RPS6KA3: variants seen among roughly 807,000 people sequenced by gnomAD.
RPS6KA3 encodes ribosomal protein S6 kinase alpha-3.
A neutral mutation model predicts 67.2 loss-of-function variants in RPS6KA3; 4 were observed. The observed-to-expected ratio is 0.06, with a 90% CI of 0.03 to 0.14. The LOEUF is 0.14. RPS6KA3 is among the 10% of genes least tolerant of loss of function. The pLI, the probability that RPS6KA3 is intolerant of heterozygous loss-of-function variation, is 1.00. For missense variants in RPS6KA3, 204 were observed against 559.0 expected (o/e 0.36, Z 6.40); for synonymous variants, 182 against 183.7 (o/e 0.99, Z 0.07).
At chrX:20,168,399 T>G (rs1166804443) in intron 16 of RPS6KA3, among the ~76,000 whole-genome samples, 1 of 111,382 alleles carries the variant, frequency 9.0e-6, no homozygotes, top group Non-Finnish European at 1.9e-5. Context: ...CATAACAGCA[T>G]GGAAAATGAG....
chrX:20,240,264 T>TA (rs2069516240), intron 1 of RPS6KA3, among the ~76,000 whole-genome samples: 1 of 102,686 alleles, frequency 9.7e-6, no homozygotes, highest in Non-Finnish European at 2.0e-5. Context: ...ACCCAGGCTG[T>TA]AGGAATGAAC....
intron 19 of RPS6KA3, among the ~76,000 whole-genome samples, chrX:20,162,477 T>C (rs951585411): frequency 1.8e-5 from 2 of 109,936 alleles, no homozygotes; most frequent in African/African-American, 6.6e-5. Context: ...TGTGGAATTG[T>C]TACAGAATTG....
At position 20,153,587 on chromosome X, in the gene RPS6KA3, T is replaced by C. The variant is rs2067137095; in HGVS notation, c.*1811A>G. The C allele has an allele frequency of 9.0e-6, 1 of 110,780 alleles. No individual in the cohort carries two copies. Among genetic ancestry groups the C allele is most frequent in the Non-Finnish European group, 1.9e-5 (1 of 52,852 alleles). The allele number at this position is 110,780 out of a possible 1,213,427, so 9.1% of individuals were successfully genotyped here. On this transcript the variant is annotated 3_prime_UTR_variant, in exon 22 of 22. Coordinates refer to ENST00000379565, the MANE Select transcript of RPS6KA3 (RefSeq NM_004586.3). ...CTGATATAAATGGCTTATTACATGA[T>C]GACTAACAAAAATCTGTATGAGTAC...
At chrX:20,183,576 T>C (rs1350320193) in intron 10 of RPS6KA3, among the ~76,000 whole-genome samples, 4 of 112,033 alleles carry the variant, frequency 3.6e-5, no homozygotes, top group Non-Finnish European at 3.8e-5. Flanking sequence ...TGTCCACATA[T>C]ATAGATCTGT....
chrX:20,248,743 C>T (rs890098967), intron 1 of RPS6KA3, among the ~76,000 whole-genome samples: 6 of 111,967 alleles, frequency 5.4e-5, no homozygotes, highest in African/African-American at 1.9e-4. Context: ...CAGAGAGGTC[C>T]CATACACTTT....
intron 10 of RPS6KA3, among the ~76,000 whole-genome samples, chrX:20,179,087 A>T (rs2067778754): frequency 9.0e-6 from 1 of 111,569 alleles, no homozygotes; most frequent in African/African-American, 3.3e-5. Flanking sequence ...GAAAGGCTGG[A>T]ACAGTGAAAT....
intron 2 of RPS6KA3, chrX:20,218,861 T>TA (rs1180177886): frequency 3.4e-6 from 4 of 1,190,290 alleles, no homozygotes; most frequent in Non-Finnish European, 4.6e-6. Flanking sequence ...ATGATGGTGA[T>TA]AAAAGAATTT....
chrX:20,222,053 G>A (rs1473861707), intron 2 of RPS6KA3, among the ~76,000 whole-genome samples: 1 of 112,675 alleles, frequency 8.9e-6, no homozygotes, highest in East Asian at 2.8e-4. Context: ...AATGGCTACC[G>A]CCGAGTTGAG....
intron 10 of RPS6KA3, among the ~76,000 whole-genome samples, chrX:20,182,638 T>A (rs771077858): frequency 1.2e-3 from 139 of 112,284 alleles, no homozygotes; most frequent in Non-Finnish European, 2.2e-3. Context: ...CTATTACAAA[T>A]AATGTTGCTA....
intron 1 of RPS6KA3, among the ~76,000 whole-genome samples, chrX:20,261,322 C>A (rs1490058051): frequency 8.9e-6 from 1 of 112,051 alleles, no homozygotes; most frequent in Non-Finnish European, 1.9e-5. Context: ...ATGTTCCCAA[C>A]ACACAGAAAT....
intron 16 of RPS6KA3, among the ~76,000 whole-genome samples, chrX:20,167,959 C>A (rs1221951641): frequency 8.9e-6 from 1 of 112,340 alleles, no homozygotes; most frequent in South Asian, 3.7e-4. Context: ...GCGATCCTCC[C>A]ACTTCAGCCT....
At chrX:20,208,402 A>C (rs1697104389) in intron 3 of RPS6KA3, among the ~76,000 whole-genome samples, 1 of 111,252 alleles carries the variant, frequency 9.0e-6, no homozygotes, top group Admixed American at 9.5e-5. Context: ...CAAGCGCTAC[A>C]TGAAAAACAC....
chrX:20,208,615 G>T (rs1184132938), intron 3 of RPS6KA3, among the ~76,000 whole-genome samples: 1 of 110,724 alleles, frequency 9.0e-6, no homozygotes, highest in African/African-American at 3.3e-5. Flanking sequence ...CTACTCAGGA[G>T]GCTGAGGCTG....
At chrX:20,166,870 A>G (rs974138719) in intron 17 of RPS6KA3, among the ~76,000 whole-genome samples, 3 of 110,175 alleles carry the variant, frequency 2.7e-5, no homozygotes, top group South Asian at 3.9e-4. Flanking sequence ...GGCATGAGCC[A>G]TGACGCCCGG....
intron 18 of RPS6KA3, among the ~76,000 whole-genome samples, chrX:20,163,918 C>T (rs986887778): frequency 9.0e-6 from 1 of 111,720 alleles, no homozygotes; most frequent in Non-Finnish European, 1.9e-5. Context: ...ATCTGCCTGC[C>T]TTGGCCTCCC....
intron 3 of RPS6KA3, among the ~76,000 whole-genome samples, chrX:20,204,550 T>C (rs1395112805): frequency 8.9e-6 from 1 of 111,838 alleles, no homozygotes; most frequent in Non-Finnish European, 1.9e-5. Flanking sequence ...TGATGGAGGG[T>C]CTTTTCTGTA....
chrX:20,238,188 T>C (rs1169636187), intron 1 of RPS6KA3, among the ~76,000 whole-genome samples: 1 of 111,277 alleles, frequency 9.0e-6, no homozygotes, highest in Non-Finnish European at 1.9e-5. Context: ...TCTTAAAGGG[T>C]GGTATATGGA....
intron 4 of RPS6KA3, among the ~76,000 whole-genome samples, chrX:20,196,281 C>T (rs1304174993): frequency 8.8e-6 from 1 of 113,092 alleles, no homozygotes; most frequent in African/African-American, 3.2e-5. Flanking sequence ...AGTTGGAATG[C>T]CAAGATGAAT....
At chrX:20,199,362 AT>A (rs780571248) in intron 4 of RPS6KA3, among the ~76,000 whole-genome samples, 151 of 111,934 alleles carry the variant, frequency 1.3e-3, no homozygotes, top group Non-Finnish European at 2.5e-3. Context: ...TCTTTCTTAA[AT>A]GTTTGACACT....
Sources: gnomAD v4.1 joint callset for allele counts (sites outside exome capture counted in the v4.1 genomes callset) on GRCh38, gnomAD v4.1.1 for gene constraint, MANE v1.5 for transcripts, NCBI Gene and HGNC (gene_info 2026-07-23, HGNC 2026-07-21) for gene names.